The following CCNT1 variants were observed in gnomAD, a reference collection of about 807,000 sequenced individuals.
CCNT1 encodes cyclin-T1.
Under a neutral mutation model 67.3 loss-of-function variants are expected in CCNT1, and 18 were observed. The ratio of observed to expected loss-of-function variants is 0.27; its 90% confidence interval spans 0.18 to 0.40. CCNT1 has a LOEUF of 0.40. Among genes scored for constraint, CCNT1 ranks in the 10% least tolerant of loss-of-function variants. The pLI is 1.00. For missense variants in CCNT1, 744 were observed against 884.9 expected (o/e 0.84, Z 2.02); for synonymous variants, 333 against 310.3 (o/e 1.07, Z -0.77).
At chr12:48,712,840 TGAGGAAA>T (rs1037529722) in intron 2 of CCNT1, among the ~76,000 whole-genome samples, 12 of 151,586 alleles carry the variant, frequency 7.9e-5, no homozygotes, top group Non-Finnish European at 1.6e-4. Flanking sequence ...CTTGGGAGGC[TGAGGAAA>T]GAGGATTGCT....
chr12:48,698,210 G>C (rs1425151774), intron 5 of CCNT1, 27 bp from the exon 6 acceptor site: 1 of 1,474,480 alleles, frequency 6.8e-7, no homozygotes. Context: ...AAAGTCAGGG[G>C]TGGGGGAGGA....
chr12:48,714,961 C>CA (rs1940511664), intron 1 of CCNT1, among the ~76,000 whole-genome samples: 3 of 152,132 alleles, frequency 2.0e-5, no homozygotes, highest in African/African-American at 7.2e-5. Context: ...TACAGGCGCC[C>CA]ACCAACAGAC....
At chr12:48,707,616 A>C (rs1463799668) in intron 2 of CCNT1, among the ~76,000 whole-genome samples, 1 of 152,116 alleles carries the variant, frequency 6.6e-6, no homozygotes, top group African/African-American at 2.4e-5. Flanking sequence ...AGATTTTGAA[A>C]AATATCGTTT....
rs397939805 is a variant in CCNT1, at chr12:48,692,966, C to CAA, written c.*65_*66dup. ...TATTTCATAAGTAATTTTCTTAGTC[C>CAA]AAAAAAAAAAAAGAAAAATTATGTG... On this transcript the variant is annotated 3_prime_UTR_variant, in exon 9 of 9. Coordinates refer to ENST00000261900, the MANE Select transcript of CCNT1 (RefSeq NM_001240.4). The CAA allele has an allele frequency of 3.1e-4, 262 of 841,432 alleles. No homozygotes were observed. The highest frequency in any genetic ancestry group is 8.0e-4 in the Middle Eastern group (2 of 2,498). The allele number at this position is 841,432 out of a possible 1,614,324, so 52.1% of individuals were successfully genotyped here. A position where few individuals can be genotyped will look rare whatever the true frequency, so the allele number is the denominator to read the frequency against.
chr12:48,695,389 T>C (rs1220952378), intron 8 of CCNT1, among the ~76,000 whole-genome samples: 1 of 152,234 alleles, frequency 6.6e-6, no homozygotes, highest in Non-Finnish European at 1.5e-5. Context: ...AAGTAGGTAA[T>C]GTCAAACACA....
rs1371551744 is a variant in CCNT1, at chr12:48,689,700, G to A, written c.*3333C>T. Reference sequence around the variant, plus strand: ...AATATTAATCAGTTCCCAAAATAACGGAAACACAGATATGTTTAAAATCCA... The same window carrying A: ...AATATTAATCAGTTCCCAAAATAACAGAAACACAGATATGTTTAAAATCCA... On this transcript the variant is annotated 3_prime_UTR_variant, in exon 9 of 9. Coordinates refer to ENST00000261900, the MANE Select transcript of CCNT1 (RefSeq NM_001240.4). The A allele has an allele frequency of 6.6e-6, 1 of 152,036 alleles. No individual in the cohort carries two copies. The highest frequency in any genetic ancestry group is 1.5e-5 in the Non-Finnish European group (1 of 67,986). 9.4% of individuals were successfully genotyped at this position (152,036 alleles called of 1,614,324 possible). A position where few individuals can be genotyped will look rare whatever the true frequency, so the allele number is the denominator to read the frequency against.
intron 8 of CCNT1, 99 bp from the exon 9 acceptor site, chr12:48,694,535 G>A: frequency 1.9e-6 from 2 of 1,055,316 alleles, no homozygotes. Context: ...TGGAAGTTCT[G>A]GATAGGCCAC....
chr12:48,696,239 TAAAAAA>T (rs71080140), intron 6 of CCNT1, 77 bp from the exon 7 acceptor site: 53 of 71,964 alleles, frequency 7.4e-4, no homozygotes, highest in East Asian at 2.5e-3. Context: ...CTCCATTATT[TAAAAAA>T]AAAAAAAAAA....
chr12:48,704,664 CTG>C (rs1311419839), intron 3 of CCNT1, among the ~76,000 whole-genome samples: 3 of 152,178 alleles, frequency 2.0e-5, no homozygotes. Context: ...CAAAAATTAG[CTG>C]TGTGTGGTGG....
rs764684605 is a variant in CCNT1, at chr12:48,693,443, T to C, written c.1771A>G (p.Ile591Val). 1 of 1,614,238 alleles carries C rather than the reference T, an allele frequency of 6.2e-7. No individual in the cohort carries two copies. Among genetic ancestry groups the C allele is most frequent in the Non-Finnish European group, 8.5e-7 (1 of 1,180,044 alleles). The change falls in exon 9 of 9, where the codon ATT becomes GTT. Residue 591 changes from isoleucine to valine, a missense_variant. Transcript: ENST00000261900. Reference sequence around the variant, plus strand: ...GAAGAGGATTTAGTACTCTTGGCAATCTTGGCTGGATGATCAAACACAGCC... The same window carrying C: ...GAAGAGGATTTAGTACTCTTGGCAACCTTGGCTGGATGATCAAACACAGCC... ...GGAVFDHPAK[I>V]AKSTKSSSLN...
intron 6 of CCNT1, among the ~76,000 whole-genome samples, chr12:48,696,435 AG>A (rs1940170124): frequency 1.3e-5 from 2 of 150,742 alleles, no homozygotes; most frequent in African/African-American, 2.4e-5. Flanking sequence ...AAAAAAAAAA[AG>A]GAAAAAAGGA....
rs1280585329 is a variant in CCNT1, at chr12:48,691,949, T to C, written c.*1084A>G. The C allele has an allele frequency of 1.3e-5, 2 of 152,148 alleles. No homozygotes were observed. Among genetic ancestry groups the C allele is most frequent in the Non-Finnish European group, 2.9e-5 (2 of 68,040 alleles). 9.4% of individuals were successfully genotyped at this position (152,148 alleles called of 1,614,324 possible). The stretch of plus-strand genomic sequence containing the variant: ...ATGGTTTGGGCTTTCACAGGCAGGA[T>C]ATACATAGCACATTCCCCATCTCTT... On this transcript the variant is annotated 3_prime_UTR_variant, in exon 9 of 9. Coordinates refer to ENST00000261900, the MANE Select transcript of CCNT1 (RefSeq NM_001240.4).
chr12:48,708,494 C>T (rs931253013), intron 2 of CCNT1, among the ~76,000 whole-genome samples: 1 of 151,764 alleles, frequency 6.6e-6, no homozygotes, highest in African/African-American at 2.4e-5. Flanking sequence ...TTGCAGTGAG[C>T]CAAGATCACG....
At chr12:48,714,800 ATTTT>A (rs1422723232) in intron 1 of CCNT1, among the ~76,000 whole-genome samples, 1 of 152,222 alleles carries the variant, frequency 6.6e-6, no homozygotes, top group Admixed American at 6.5e-5. Context: ...ATCTAGACAG[ATTTT>A]TTTAAAAACT....
chr12:48,698,899 T>C (rs1009881148), intron 5 of CCNT1, among the ~76,000 whole-genome samples: 1 of 151,510 alleles, frequency 6.6e-6, no homozygotes, highest in Non-Finnish European at 1.5e-5. Context: ...GAGGTTGTGG[T>C]GAGCTGAGAT....
chr12:48,701,105 C>T (rs767450946), intron 3 of CCNT1, 32 bp from the exon 4 acceptor site: 25 of 1,304,652 alleles, frequency 1.9e-5, no homozygotes, highest in Middle Eastern at 1.9e-4. Flanking sequence ...TTATTCCCTA[C>T]AAAGGCACAA....
At position 48,690,715 on chromosome 12, in the gene CCNT1, A is replaced by G. The variant is rs1940058850; in HGVS notation, c.*2318T>C. On this transcript the variant is annotated 3_prime_UTR_variant, in exon 9 of 9. Transcript: ENST00000261900. ...CACTTTTTTCTAGTTCACTCCTGGC[A>G]AAGTTCTAAGGAACTTTACTACAGT... The G allele has an allele frequency of 6.6e-6, 1 of 152,224 alleles. No individual in the cohort carries two copies. Among genetic ancestry groups the G allele is most frequent in the Non-Finnish European group, 1.5e-5 (1 of 68,048 alleles). 9.4% of individuals were successfully genotyped at this position (152,224 alleles called of 1,614,324 possible).
chr12:48,695,035 G>C (rs922546598), intron 8 of CCNT1, among the ~76,000 whole-genome samples: 1 of 152,108 alleles, frequency 6.6e-6, no homozygotes, highest in African/African-American at 2.4e-5. Flanking sequence ...TGTTGGCCAG[G>C]CTGGTCTCGA....
At chr12:48,698,825 G>T (rs541544298) in intron 5 of CCNT1, among the ~76,000 whole-genome samples, 2 of 151,402 alleles carry the variant, frequency 1.3e-5, no homozygotes, top group Non-Finnish European at 2.9e-5. Context: ...GGGTGGTGGC[G>T]CATGCCTGTA....
Sources: allele counts gnomAD v4.1 joint callset (sites outside exome capture counted in the v4.1 genomes callset), GRCh38; gene constraint gnomAD v4.1.1; transcripts MANE v1.5; gene names NCBI Gene and HGNC (gene_info 2026-07-23, HGNC 2026-07-21).